The following NDUFAF6 variants were observed in gnomAD, a reference collection of about 807,000 sequenced individuals.
NDUFAF6 encodes NADH:ubiquinone oxidoreductase complex assembly factor 6, also known as NADH dehydrogenase (ubiquinone) complex I, assembly factor 6.
A neutral mutation model predicts 40.8 loss-of-function variants in NDUFAF6; 45 were observed. The observed-to-expected ratio is 1.10, with a 90% CI of 0.87 to 1.42. The LOEUF (loss-of-function observed/expected upper bound fraction) is 1.42, where lower values mean the gene tolerates loss of function less well. NDUFAF6 is among the 40% of genes most tolerant of loss of function. The probability of loss-of-function intolerance (pLI) is 0.00; values close to 1 mark genes in which losing one functional copy is unlikely to be tolerated. For missense variants in NDUFAF6, 435 were observed against 418.5 expected (o/e 1.04, Z -0.34); for synonymous variants, 185 against 155.9 (o/e 1.19, Z -1.39).
At chr8:94,901,879 C>G (rs1266193861) in intron 1 of NDUFAF6, among the ~76,000 whole-genome samples, 1 of 152,126 alleles carries the variant, frequency 6.6e-6, no homozygotes, top group Non-Finnish European at 1.5e-5. Flanking sequence ...GCCACTGTGC[C>G]CAGCCTTTTA....
At chr8:94,933,111 G>C (rs1044469756) in intron 1 of NDUFAF6, among the ~76,000 whole-genome samples, 1 of 152,014 alleles carries the variant, frequency 6.6e-6, no homozygotes, top group Non-Finnish European at 1.5e-5. Flanking sequence ...CCAGTTAATC[G>C]GCAGGATAAG....
intron 2 of NDUFAF6, among the ~76,000 whole-genome samples, chr8:94,998,765 T>TTGTTCA (rs1481582820): frequency 7.9e-5 from 12 of 152,266 alleles, no homozygotes; most frequent in African/African-American, 2.9e-4. Flanking sequence ...AGATGCTGCT[T>TTGTTCA]GAGCAGCATC....
intron 2 of NDUFAF6, among the ~76,000 whole-genome samples, chr8:95,000,198 G>A (rs1026180875): frequency 2.0e-5 from 3 of 152,162 alleles, no homozygotes; most frequent in African/African-American, 4.8e-5. Flanking sequence ...TTAGCTGGGT[G>A]TGGTGGTGCA....
At chr8:95,065,192 T>C (rs1259969637) in intron 9 of NDUFAF6, among the ~76,000 whole-genome samples, 1 of 152,184 alleles carries the variant, frequency 6.6e-6, no homozygotes, top group African/African-American at 2.4e-5. Flanking sequence ...GACACCCCAA[T>C]TTATAGATGT....
intron 2 of NDUFAF6, among the ~76,000 whole-genome samples, chr8:95,013,945 T>C (rs547532091): frequency 1.4e-4 from 21 of 152,270 alleles, no homozygotes; most frequent in African/African-American, 5.1e-4. Context: ...GGCACAGACA[T>C]GCACACAGGG....
intron 2 of NDUFAF6, among the ~76,000 whole-genome samples, chr8:94,946,573 T>G (rs1014673666): frequency 6.6e-6 from 1 of 151,412 alleles, no homozygotes; most frequent in Non-Finnish European, 1.5e-5. Flanking sequence ...GGTATGTGCA[T>G]GTAGTCCCAG....
chr8:94,980,455 T>G (rs1184911501), intron 1 of NDUFAF6, among the ~76,000 whole-genome samples: 4 of 146,074 alleles, frequency 2.7e-5, no homozygotes, highest in Admixed American at 2.0e-4. Flanking sequence ...TTTTTTTTTT[T>G]TTTTTTTGAG....
chr8:94,952,420 A>G (rs548929341), intron 2 of NDUFAF6, among the ~76,000 whole-genome samples: 4 of 152,248 alleles, frequency 2.6e-5, no homozygotes, highest in South Asian at 2.1e-4. Context: ...GTCGTTTTCT[A>G]TCTACCCATC....
At chr8:95,085,381 C>T (rs1295250015) in intron 2 of NDUFAF6, among the ~76,000 whole-genome samples, 2 of 152,126 alleles carry the variant, frequency 1.3e-5, no homozygotes, top group African/African-American at 4.8e-5. Flanking sequence ...TGAGAAAATC[C>T]TACGTACTAT....
intron 1 of NDUFAF6, among the ~76,000 whole-genome samples, chr8:94,931,275 AT>A (rs535323496): frequency 1.3e-3 from 201 of 152,284 alleles, no homozygotes; most frequent in African/African-American, 4.7e-3. Flanking sequence ...AATTCTACTC[AT>A]TTGCCATTTT....
At chr8:95,062,269 T>G (rs1043679828), downstream of NDUFAF6, among the ~76,000 whole-genome samples, 1 of 152,202 alleles carries the variant, frequency 6.6e-6, no homozygotes, top group Non-Finnish European at 1.5e-5. Flanking sequence ...AAACCTCTGT[T>G]GCTCCATTTG....
intron 1 of NDUFAF6, among the ~76,000 whole-genome samples, chr8:94,914,103 CTTT>C (rs563687562): frequency 1.0e-5 from 1 of 98,198 alleles, no homozygotes; most frequent in African/African-American, 3.9e-5. Context: ...GACCTTATCT[CTTT>C]TTTTTTTTTT....
In NDUFAF6 at chr8:95,007,324, G is replaced by A. The variant is rs192259156; in HGVS notation, c.-83-24671G>A. Among the ~76,000 whole-genome samples, 534 of 150,640 alleles carry A rather than the reference G, an allele frequency of 3.5e-3. 3 individuals carry two copies. Among genetic ancestry groups the A allele is most frequent in the Non-Finnish European group, 6.5e-3 (443 of 67,730 alleles). ...GTAATACCAAAAAAAAAAAATTACAGCACAATATAGTTGTGCCAATAAGGA... is the reference window on the plus strand; with the variant it reads ...GTAATACCAAAAAAAAAAAATTACAACACAATATAGTTGTGCCAATAAGGA... On this transcript the variant is annotated intron_variant, in intron 2 of 9. Transcript: ENST00000396111.
rs1274038769 is a variant in NDUFAF6, at chr8:95,035,542, C to T, written c.386C>T (p.Pro129Leu). 1 of 1,612,056 alleles carries T rather than the reference C, an allele frequency of 6.2e-7. No homozygotes were observed. The highest frequency in any genetic ancestry group is 8.5e-7 in the Non-Finnish European group (1 of 1,179,456). ...GTGGAAGATATATACTGTGACAATC[C>T]ACCACATCAGCCTGTGGCCATTGAA... Reference protein sequence around the residue: ...KTVEDIYCDNPPHQPVAIELW... With the variant: ...KTVEDIYCDNLPHQPVAIELW... The change falls in exon 3 of 9, where the codon CCA becomes CTA. Residue 129 changes from proline (P) to leucine (L), a missense_variant. Coordinates refer to ENST00000396124, the MANE Select transcript of NDUFAF6 (RefSeq NM_152416.4).
At chr8:94,930,691 A>G (rs764976916) in intron 1 of NDUFAF6, 22 of 1,614,250 alleles carry the variant, frequency 1.4e-5, no homozygotes, top group Non-Finnish European at 1.8e-5. Context: ...GCAACATAAC[A>G]ATGAATATGC....
chr8:95,091,054 A>G (rs1243611197), intron 2 of NDUFAF6, among the ~76,000 whole-genome samples: 1 of 109,062 alleles, frequency 9.2e-6, no homozygotes, highest in Non-Finnish European at 1.9e-5. Flanking sequence ...ATAAACTCAT[A>G]TATATATATA....
At chr8:95,093,792 T>C (rs1438264875) in intron 2 of NDUFAF6, among the ~76,000 whole-genome samples, 1 of 152,224 alleles carries the variant, frequency 6.6e-6, no homozygotes, top group Non-Finnish European at 1.5e-5. Context: ...AATGTCCTTA[T>C]AACAAATTCT....
chr8:94,971,664 C>T (rs748304645), intron 1 of NDUFAF6, among the ~76,000 whole-genome samples: 3 of 152,242 alleles, frequency 2.0e-5, no homozygotes, highest in African/African-American at 7.2e-5. Context: ...GGGCCTGGCG[C>T]GGTGGCTTAT....
intron 2 of NDUFAF6, among the ~76,000 whole-genome samples, chr8:95,002,110 CTT>C (rs991301397): frequency 6.6e-6 from 1 of 152,158 alleles, no homozygotes; most frequent in Non-Finnish European, 1.5e-5. Flanking sequence ...CTGCATCTGA[CTT>C]TATTTATGAG....
Sources: gnomAD v4.1 joint callset for allele counts (sites outside exome capture counted in the v4.1 genomes callset) on GRCh38, gnomAD v4.1.1 for gene constraint, MANE v1.5 for transcripts, NCBI Gene and HGNC (gene_info 2026-07-23, HGNC 2026-07-21) for gene names.